The following MAML3 variants were observed in gnomAD, a reference collection of about 807,000 sequenced individuals.
MAML3 encodes the protein mastermind like transcriptional coactivator 3, also known as mastermind-like protein 3.
Under a neutral mutation model 101.9 loss-of-function variants are expected in MAML3, and 27 were observed. The ratio of observed to expected loss-of-function variants is 0.27; its 90% CI spans 0.20 to 0.37. The LOEUF is 0.37. Among genes scored for constraint, MAML3 ranks in the 10% least tolerant of loss-of-function variants. MAML3 has a pLI of 1.00. For synonymous variants in MAML3, 501 were observed against 555.9 expected (o/e 0.90, Z 1.39); for missense variants, 1,316 against 1,444.9 (o/e 0.91, Z 1.45).
At chr4:139,965,330 C>T (rs1160224876) in intron 1 of MAML3, among the ~76,000 whole-genome samples, 1 of 151,898 alleles carries the variant, frequency 6.6e-6, no homozygotes, top group Non-Finnish European at 1.5e-5. Flanking sequence ...AGAGTTGAAC[C>T]TTTCCATTTT....
intron 1 of MAML3, among the ~76,000 whole-genome samples, chr4:139,926,776 A>G (rs1733271358): frequency 1.3e-5 from 2 of 152,384 alleles, no homozygotes; most frequent in South Asian, 4.1e-4. Context: ...CCATATGCTT[A>G]CATAACCATA....
At chr4:139,992,812 C>T (rs1734705579) in intron 1 of MAML3, among the ~76,000 whole-genome samples, 1 of 152,148 alleles carries the variant, frequency 6.6e-6, no homozygotes, top group Non-Finnish European at 1.5e-5. Flanking sequence ...CCACCTCGGC[C>T]TCCCAACCTG....
chr4:139,784,875 G>A (rs1197358100), intron 2 of MAML3, among the ~76,000 whole-genome samples: 5 of 152,154 alleles, frequency 3.3e-5, no homozygotes, highest in Admixed American at 6.5e-5. Context: ...TCTCACAAGT[G>A]GGAGCTAATG....
intron 2 of MAML3, among the ~76,000 whole-genome samples, chr4:139,821,170 T>G (rs1357090076): frequency 6.6e-6 from 1 of 152,186 alleles, no homozygotes; most frequent in Non-Finnish European, 1.5e-5. Context: ...TCAAATTAAT[T>G]AGATGAACTG....
chr4:139,923,963 G>C (rs772110654), intron 1 of MAML3, among the ~76,000 whole-genome samples: 7 of 152,160 alleles, frequency 4.6e-5, no homozygotes, highest in Admixed American at 2.6e-4. Flanking sequence ...TCTCCAGACT[G>C]TAAAGTCTGT....
At chr4:139,913,637 C>T (rs1732973076) in intron 1 of MAML3, among the ~76,000 whole-genome samples, 1 of 152,110 alleles carries the variant, frequency 6.6e-6, no homozygotes, top group Non-Finnish European at 1.5e-5. Context: ...GCTGTGAGAG[C>T]AAAAGAACCA....
intron 2 of MAML3, among the ~76,000 whole-genome samples, chr4:139,793,031 A>C (rs149363259): frequency 0.023 from 3,516 of 152,132 alleles, 61 homozygotes; most frequent in Middle Eastern, 0.054. Flanking sequence ...CAGGCGTGAG[A>C]CACCGCGCCC....
At chr4:140,008,699 CAAAT>C (rs966855264) in intron 1 of MAML3, among the ~76,000 whole-genome samples, 3 of 152,022 alleles carry the variant, frequency 2.0e-5, no homozygotes, top group African/African-American at 7.2e-5. Flanking sequence ...CTCCAATAAA[CAAAT>C]AAAATTTATG....
chr4:139,997,399 G>A (rs949422465), intron 1 of MAML3, among the ~76,000 whole-genome samples: 2 of 151,806 alleles, frequency 1.3e-5, no homozygotes, highest in East Asian at 1.9e-4. Flanking sequence ...AGATTAACAC[G>A]AACTTAATTT....
chr4:139,885,254 A>AG (rs564244321), intron 2 of MAML3, among the ~76,000 whole-genome samples: 272 of 152,170 alleles, frequency 1.8e-3, no homozygotes, highest in Non-Finnish European at 2.9e-3. Context: ...TTAAAAAAAA[A>AG]AAATTAGCCA....
At chr4:139,918,330 C>T (rs891420160) in intron 1 of MAML3, among the ~76,000 whole-genome samples, 5 of 152,194 alleles carry the variant, frequency 3.3e-5, no homozygotes, top group African/African-American at 9.7e-5. Context: ...CCCTTCTCCC[C>T]TTCACCACCA....
intron 1 of MAML3, among the ~76,000 whole-genome samples, chr4:140,106,879 T>C (rs764128740): frequency 2.6e-5 from 4 of 152,202 alleles, no homozygotes; most frequent in Non-Finnish European, 5.9e-5. Flanking sequence ...GGTGTTTGTT[T>C]GTTTTTTTGA....
At chr4:139,848,119 C>T (rs1731480665) in intron 2 of MAML3, among the ~76,000 whole-genome samples, 1 of 152,158 alleles carries the variant, frequency 6.6e-6, no homozygotes, top group Non-Finnish European at 1.5e-5. Flanking sequence ...CTTCAATTGA[C>T]AAAAGAAGCC....
intron 2 of MAML3, among the ~76,000 whole-genome samples, chr4:139,774,112 C>T (rs1339765797): frequency 6.6e-6 from 1 of 152,192 alleles, no homozygotes; most frequent in Non-Finnish European, 1.5e-5. Flanking sequence ...AGCAGCAGAG[C>T]ACCAGGACTT....
chr4:139,776,157 A>C (rs982336331), intron 2 of MAML3, among the ~76,000 whole-genome samples: 1 of 152,204 alleles, frequency 6.6e-6, no homozygotes, highest in Admixed American at 6.5e-5. Context: ...TTATTTTGTA[A>C]ATCAACAGTT....
At chr4:140,069,242 T>C (rs570426838) in intron 1 of MAML3, among the ~76,000 whole-genome samples, 12 of 152,184 alleles carry the variant, frequency 7.9e-5, no homozygotes, top group African/African-American at 2.6e-4. Flanking sequence ...GGTTGCACTA[T>C]GCAGGGGCTG....
intron 1 of MAML3, among the ~76,000 whole-genome samples, chr4:139,946,911 ACACACACACACACACTCTCTCT>A (rs1733740080): frequency 8.2e-6 from 1 of 121,492 alleles, no homozygotes; most frequent in South Asian, 2.5e-4. Flanking sequence ...ACACACACAC[ACACACACACACACACTCTCTCT>A]CTCTCTCTCT....
At chr4:140,140,065 T>C (rs1728955011) in intron 1 of MAML3, among the ~76,000 whole-genome samples, 1 of 152,212 alleles carries the variant, frequency 6.6e-6, no homozygotes, top group Non-Finnish European at 1.5e-5. Context: ...GGCTCACGCC[T>C]ATAATCCCAG....
chr4:139,765,243 G>A, intron 2 of MAML3, among the ~76,000 whole-genome samples: 1 of 152,164 alleles, frequency 6.6e-6, no homozygotes, highest in East Asian at 1.9e-4. Flanking sequence ...TGGGGCACAT[G>A]GACAAAAATA....
Sources: gnomAD v4.1 joint callset for allele counts (sites outside exome capture counted in the v4.1 genomes callset) on GRCh38, gnomAD v4.1.1 for gene constraint, MANE v1.5 for transcripts, NCBI Gene and HGNC (gene_info 2026-07-23, HGNC 2026-07-21) for gene names.